Variants in SLCO3A1 observed in about 807,000 individuals in gnomAD.
The protein encoded by SLCO3A1 is PGE1 transporter.
SLCO3A1 carries 27 observed loss-of-function variants against 63.1 expected under a neutral mutation model. That is an observed-to-expected ratio of 0.43 (90% CI 0.32 to 0.59). The LOEUF is 0.59. SLCO3A1 is among the 20% of genes least tolerant of loss of function. The probability of loss-of-function intolerance (pLI) is 0.09; values close to 1 mark genes in which losing one functional copy is unlikely to be tolerated. For synonymous variants in SLCO3A1, 473 were observed against 409.9 expected (o/e 1.15, Z -1.86); for missense variants, 773 against 945.8 (o/e 0.82, Z 2.40).
chr15:92,017,294 G>C (rs186982207), intron 2 of SLCO3A1, among the ~76,000 whole-genome samples: 1 of 151,896 alleles, frequency 6.6e-6, no homozygotes, highest in Non-Finnish European at 1.5e-5. Context: ...TTGGGGGGGG[G>C]TAGGGAAAGA....
At chr15:92,166,272 A>G (rs903327573), downstream of SLCO3A1, among the ~76,000 whole-genome samples, 1 of 152,150 alleles carries the variant, frequency 6.6e-6, no homozygotes, top group African/African-American at 2.4e-5. Flanking sequence ...AAGGAGTGGA[A>G]GCAGCCTCCT....
At chr15:91,898,194 C>G (rs1460019911) in intron 1 of SLCO3A1, among the ~76,000 whole-genome samples, 1 of 152,034 alleles carries the variant, frequency 6.6e-6, no homozygotes, top group Non-Finnish European at 1.5e-5. Context: ...CAGCAACATG[C>G]TCTAAGCTTG....
chr15:91,943,336 A>G (rs891301780), intron 2 of SLCO3A1, among the ~76,000 whole-genome samples: 1 of 152,246 alleles, frequency 6.6e-6, no homozygotes, highest in South Asian at 2.1e-4. Flanking sequence ...ACCCTACAGT[A>G]TCTGTCCTTT....
intron 7 of SLCO3A1, among the ~76,000 whole-genome samples, chr15:92,142,855 G>C (rs1347181367): frequency 6.6e-6 from 1 of 152,104 alleles, no homozygotes; most frequent in Admixed American, 6.5e-5. Flanking sequence ...AGAGAGGCCA[G>C]TTTCCTCTTT....
chr15:92,114,052 G>C (rs577959736), intron 4 of SLCO3A1, among the ~76,000 whole-genome samples: 1 of 152,256 alleles, frequency 6.6e-6, no homozygotes, highest in East Asian at 1.9e-4. Flanking sequence ...AGCAATGGGG[G>C]CGTTCTTTGA....
intron 7 of SLCO3A1, among the ~76,000 whole-genome samples, 191 bp from the exon 8 acceptor site, chr15:92,146,793 C>T (rs1000821247): frequency 2.0e-5 from 3 of 151,854 alleles, no homozygotes; most frequent in Non-Finnish European, 4.4e-5. Context: ...CTCTCCTCCC[C>T]GTAAATATTC....
intron 1 of SLCO3A1, among the ~76,000 whole-genome samples, chr15:91,880,403 C>CTGTGTG (rs1324272484): frequency 7.1e-6 from 1 of 140,576 alleles, no homozygotes; most frequent in African/African-American, 2.8e-5. Context: ...CTCTCTCTCT[C>CTGTGTG]TCTCTCTGTG....
chr15:91,952,498 C>T (rs1016241139), intron 2 of SLCO3A1, among the ~76,000 whole-genome samples: 17 of 152,178 alleles, frequency 1.1e-4, no homozygotes, highest in African/African-American at 4.1e-4. Flanking sequence ...CTGTTTGCCA[C>T]CTTTTGAGAG....
Position 91,947,910 on chromosome 15 carries a change from C to A in SLCO3A1, c.646+31452C>A, listed in dbSNP as rs575518458. ...GCTCTTATTGACACACAGCTGCTGG[C>A]AATTCCCCTTTGGCCCCCGTGCAGG... On this transcript the variant is annotated intron_variant, in intron 2 of 9. Transcript: ENST00000318445. 3.3e-5 allele frequency among the ~76,000 whole-genome samples: 5 copies of A among 152,296 alleles called. No individual in the cohort carries two copies. The South Asian group carries it at 1.0e-3, about 32-fold the overall frequency.
At chr15:91,926,576 T>TGTGTGTGTGC in intron 2 of SLCO3A1, among the ~76,000 whole-genome samples, 1 of 98,672 alleles carries the variant, frequency 1.0e-5, no homozygotes, top group Admixed American at 9.2e-5. Context: ...TGTGTGTGTG[T>TGTGTGTGTGC]GTGTGTGTGT....
At chr15:92,076,264 C>T (rs1038127075) in intron 2 of SLCO3A1, among the ~76,000 whole-genome samples, 59 of 152,126 alleles carry the variant, frequency 3.9e-4, no homozygotes, top group Non-Finnish European at 7.2e-4. Context: ...GAGAATGCAT[C>T]GGTTGCGTGC....
rs149643583 is a variant in SLCO3A1, at chr15:91,968,396, GAGAGTGAGTCAT to G, written c.646+51945_646+51956del. Among the ~76,000 whole-genome samples, 325 of 152,204 alleles carry G rather than the reference GAGAGTGAGTCAT, an allele frequency of 2.1e-3. 1 individual carries two copies. Among genetic ancestry groups the G allele is most frequent in the African/African-American group, 6.9e-3 (285 of 41,534 alleles). On this transcript the variant is annotated intron_variant, in intron 2 of 9. Coordinates refer to ENST00000318445, the MANE Select transcript of SLCO3A1 (RefSeq NM_013272.4). This position sits in a 1 kb window ranked among gnomAD's most constrained non-coding sequence, Gnocchi z 4.2. ...AGTTCTGCTTGGACTGGTAAGCACA[GAGAGTGAGTCAT>G]AGAGTGGCCCTCTAGAATCCTCCAG... is the stretch of plus-strand genomic sequence containing the variant.
chr15:91,927,702 C>G (rs1899079203), intron 2 of SLCO3A1, among the ~76,000 whole-genome samples: 1 of 152,160 alleles, frequency 6.6e-6, no homozygotes. Flanking sequence ...TCCCTGCTTC[C>G]CTTTCTGGGC....
chr15:92,158,417 G>A (rs566680554), intron 9 of SLCO3A1, among the ~76,000 whole-genome samples: 81 of 152,168 alleles, frequency 5.3e-4, no homozygotes, highest in Non-Finnish European at 1.1e-3. Context: ...ATCAAACCTG[G>A]AACAAATAAT....
In SLCO3A1 at chr15:92,034,495, A is replaced by G. The variant is rs1050334399; in HGVS notation, c.647-60386A>G. Among the ~76,000 whole-genome samples the G allele has an allele frequency of 2.0e-5, 3 of 151,472 alleles. No individual in the cohort carries two copies. The East Asian group carries it at 5.8e-4, about 29-fold the overall frequency. On this transcript the variant is annotated intron_variant, in intron 2 of 9. Transcript: ENST00000318445. ...ACTTAACACTGCGAGGCTGGGCGAGATGGTTTGGGGCATGGATGTAAGAAA... is the reference window on the plus strand; with the variant it reads ...ACTTAACACTGCGAGGCTGGGCGAGGTGGTTTGGGGCATGGATGTAAGAAA...
At chr15:91,956,631 C>G (rs1900186771) in intron 2 of SLCO3A1, among the ~76,000 whole-genome samples, 1 of 151,872 alleles carries the variant, frequency 6.6e-6, no homozygotes, top group African/African-American at 2.4e-5. Context: ...TGCCTCCTTG[C>G]TGAGGCTAGG....
chr15:92,049,709 A>G (rs989132161), intron 2 of SLCO3A1, among the ~76,000 whole-genome samples: 7 of 152,210 alleles, frequency 4.6e-5, no homozygotes, highest in African/African-American at 1.7e-4. Flanking sequence ...ACGCTGTTAG[A>G]GGTCTGACAA....
intron 3 of SLCO3A1, among the ~76,000 whole-genome samples, chr15:92,103,750 G>A (rs1337912879): frequency 3.9e-5 from 6 of 151,972 alleles, no homozygotes; most frequent in Non-Finnish European, 8.8e-5. Flanking sequence ...CAGAGACAAA[G>A]GGGTAGGACT....
At chr15:92,058,345 G>A (rs2047046251) in intron 2 of SLCO3A1, among the ~76,000 whole-genome samples, 1 of 151,986 alleles carries the variant, frequency 6.6e-6, no homozygotes, top group Non-Finnish European at 1.5e-5. Flanking sequence ...AAGAATAAAT[G>A]GGGTTCATTA....
Sources: allele counts gnomAD v4.1 joint callset (sites outside exome capture counted in the v4.1 genomes callset), GRCh38; gene constraint gnomAD v4.1.1; non-coding constraint Gnocchi (gnomAD v3.1); transcripts MANE v1.5; gene names NCBI Gene and HGNC (gene_info 2026-07-23, HGNC 2026-07-21).